ALG9: variants seen among roughly 807,000 people sequenced by gnomAD.
ALG9 encodes alpha-1,2-mannosyltransferase ALG9.
In ALG9, 55 loss-of-function variants were observed where a neutral mutation model predicts 81.8. The observed-to-expected ratio is 0.67, with a 90% confidence interval of 0.54 to 0.84. The LOEUF (loss-of-function observed/expected upper bound fraction) is 0.84, where lower values mean the gene tolerates loss of function less well. ALG9 is among the 40% of genes least tolerant of loss of function. The probability of loss-of-function intolerance (pLI) is 0.00; values close to 1 mark genes in which losing one functional copy is unlikely to be tolerated. For synonymous variants in ALG9, 278 were observed against 274.3 expected, an observed-to-expected ratio of 1.01 and a Z score of -0.13; for missense variants, 629 against 745.0, an observed-to-expected ratio of 0.84 and a Z score of 1.81.
At chr11:111,858,001 G>C in intron 5 of ALG9, 2 of 397,698 alleles carry the variant, frequency 5.0e-6, no homozygotes, top group Non-Finnish European at 9.5e-6. Flanking sequence ...TGCAGTGGTG[G>C]GATCTCAGCT....
intron 14 of ALG9, among the ~76,000 whole-genome samples, chr11:111,794,144 C>T (rs991008855): frequency 1.3e-5 from 2 of 152,316 alleles, no homozygotes; most frequent in Admixed American, 6.5e-5. Context: ...GAGGAGCATT[C>T]GGCGGTGGAG....
chr11:111,800,726 C>T (rs2136312644), intron 14 of ALG9, among the ~76,000 whole-genome samples: 1 of 152,180 alleles, frequency 6.6e-6, no homozygotes, highest in East Asian at 1.9e-4. Context: ...TAAGGTCAGC[C>T]TCACCATTGT....
intron 8 of ALG9, among the ~76,000 whole-genome samples, chr11:111,847,201 A>G (rs1476872964): frequency 6.6e-6 from 1 of 152,074 alleles, no homozygotes; most frequent in Non-Finnish European, 1.5e-5. Context: ...ATGATTAACA[A>G]AAGAGCAAAG....
chr11:111,820,993 G>A (rs1208198384), intron 13 of ALG9, among the ~76,000 whole-genome samples: 4 of 152,016 alleles, frequency 2.6e-5, no homozygotes, highest in African/African-American at 2.4e-5. Flanking sequence ...TTACTCGGGA[G>A]GCTGAGGTGG....
Position 111,856,342 on chromosome 11 carries a change from A to G in ALG9, c.701+1260T>C, listed in dbSNP as rs376505946. On this transcript the variant is annotated intron_variant, in intron 6 of 14. Coordinates refer to ENST00000616540, the MANE Select transcript of ALG9 (RefSeq NM_024740.2). ...AAGCATTGGTTATAACAGTAAAAAA[A>G]TGAAAACCAAATGTCTACCAATAAG... Among the ~76,000 whole-genome samples the G allele has an allele frequency of 2.3e-4, 35 of 151,750 alleles. No homozygotes were observed. The East Asian group carries it at 5.2e-3, about 23-fold the overall frequency.
At chr11:111,768,577 C>A in the ALG9 span, 1 of 151,854 alleles carries the variant, frequency 6.6e-6, no homozygotes, top group Non-Finnish European at 1.5e-5. Flanking sequence ...CTAGACAACA[C>A]AGCAAGACCC....
At chr11:111,856,154 G>A (rs1307894858) in intron 6 of ALG9, among the ~76,000 whole-genome samples, 1 of 151,740 alleles carries the variant, frequency 6.6e-6, no homozygotes, top group African/African-American at 2.4e-5. Context: ...GCATGTGCCT[G>A]TAAACCCAGC....
Position 111,786,254 on chromosome 11 carries a change from T to C in ALG9, c.*143A>G. 1 of 1,308,328 alleles carries C rather than the reference T, an allele frequency of 7.6e-7. No individual in the cohort carries two copies. Among genetic ancestry groups the C allele is most frequent in the Non-Finnish European group, 1.1e-6 (1 of 908,942 alleles). The allele number at this position is 1,308,328 out of a possible 1,614,324, so 81.0% of individuals were successfully genotyped here. ...TTTGATTAGACTTTGAAATAGACTT[T>C]GACTAGCCCAGAGCACCCAGATTCC... On this transcript the variant is annotated 3_prime_UTR_variant, in exon 15 of 15. Coordinates refer to ENST00000616540, the MANE Select transcript of ALG9 (RefSeq NM_024740.2).
At chr11:111,795,192 G>T (rs1279249014) in intron 14 of ALG9, among the ~76,000 whole-genome samples, 1 of 152,194 alleles carries the variant, frequency 6.6e-6, no homozygotes, top group East Asian at 1.9e-4. Context: ...GTCTGTGAAT[G>T]AATGAGCGCC....
At chr11:111,772,712 T>G in the ALG9 span, among the ~76,000 whole-genome samples, 1 of 152,220 alleles carries the variant, frequency 6.6e-6, no homozygotes, top group African/African-American at 2.4e-5. Context: ...ACAGTTTTTA[T>G]CTACTGAGGA....
intron 13 of ALG9, among the ~76,000 whole-genome samples, chr11:111,825,787 C>T (rs751187192): frequency 1.6e-4 from 24 of 152,318 alleles, no homozygotes; most frequent in Non-Finnish European, 2.8e-4. Flanking sequence ...GTGGCTCACA[C>T]CTGTAATCCC....
At chr11:111,775,607 A>G in the ALG9 span, among the ~76,000 whole-genome samples, 2 of 152,106 alleles carry the variant, frequency 1.3e-5, no homozygotes, top group Non-Finnish European at 2.9e-5. Flanking sequence ...AAAAACTGAA[A>G]CAAGTGCCTG....
intron 9 of ALG9, 105 bp downstream of exon 9, chr11:111,844,496 G>A (rs958547789): frequency 2.0e-6 from 3 of 1,515,660 alleles, no homozygotes; most frequent in African/African-American, 2.8e-5. Flanking sequence ...ATTTCCATAG[G>A]AAGAATGTGG....
At chr11:111,825,768 C>G (rs963253843) in intron 13 of ALG9, among the ~76,000 whole-genome samples, 1 of 152,150 alleles carries the variant, frequency 6.6e-6, no homozygotes, top group Non-Finnish European at 1.5e-5. Context: ...ATATATACAG[C>G]CGGGCGCGGT....
In ALG9 at chr11:111,840,641, T is replaced by G. The variant is rs781807375; in HGVS notation, c.1173+14A>C. 8.7e-6 allele frequency: 14 copies of G among 1,613,976 alleles called. No individual in the cohort carries two copies. In the South Asian group the frequency reaches 1.4e-4, roughly 16 times the overall value. ...AAAAAGAATGAGGCAGATACACTTC[T>G]CCCTGAAACTCACCTGAAGTGCAGA... is the stretch of plus-strand genomic sequence containing the variant. On this transcript the variant is annotated intron_variant, in intron 10 of 14. Coordinates refer to ENST00000616540, the MANE Select transcript of ALG9 (RefSeq NM_024740.2).
chr11:111,868,190 A>C (rs1228667380), intron 3 of ALG9, among the ~76,000 whole-genome samples: 1 of 152,262 alleles, frequency 6.6e-6, no homozygotes, highest in Admixed American at 6.5e-5. Flanking sequence ...AAGACGCATC[A>C]TAGTCAAATT....
At chr11:111,795,180 T>C (rs548964052) in intron 14 of ALG9, among the ~76,000 whole-genome samples, 15 of 152,284 alleles carry the variant, frequency 9.9e-5, no homozygotes, top group African/African-American at 3.6e-4. Flanking sequence ...CCTCAATAAA[T>C]AGTCTGTGAA....
At chr11:111,773,141 C>A in the ALG9 span, among the ~76,000 whole-genome samples, 2 of 152,082 alleles carry the variant, frequency 1.3e-5, no homozygotes, top group Admixed American at 6.5e-5. Context: ...GATGCCCATG[C>A]CAAACACAAG....
intron 14 of ALG9, among the ~76,000 whole-genome samples, chr11:111,799,709 TGACC>T (rs1555078793): frequency 2.0e-5 from 3 of 152,202 alleles, no homozygotes; most frequent in Non-Finnish European, 4.4e-5. Flanking sequence ...TAAAGCAAGA[TGACC>T]ATATATTTCA....
Sources: allele counts gnomAD v4.1 joint callset (sites outside exome capture counted in the v4.1 genomes callset), GRCh38; gene constraint gnomAD v4.1.1; transcripts MANE v1.5; gene names NCBI Gene and HGNC (gene_info 2026-07-23, HGNC 2026-07-21).